The following NCOA1 variants were observed in gnomAD, a reference collection of about 807,000 sequenced individuals.
The protein encoded by NCOA1 is nuclear receptor coactivator 1.
In NCOA1, 35 loss-of-function variants were observed where a neutral mutation model predicts 150.9. The observed-to-expected ratio is 0.23, with a 90% confidence interval of 0.18 to 0.31. NCOA1 has a LOEUF of 0.31. NCOA1 is among the 10% of genes least tolerant of loss of function. The pLI is 1.00. For missense variants in NCOA1, 1,491 were observed against 1,749.3 expected (o/e 0.85, Z 2.63); for synonymous variants, 590 against 630.0 (o/e 0.94, Z 0.95).
intron 20 of NCOA1, among the ~76,000 whole-genome samples, chr2:24,755,418 AT>A (rs1572687990): frequency 2.0e-5 from 3 of 152,232 alleles, no homozygotes; most frequent in South Asian, 4.1e-4. Flanking sequence ...TCTCAGACTT[AT>A]TTGACCAGGG....
chr2:24,707,394 G>C lies in NCOA1; in HGVS notation c.1924G>C (p.Glu642Gln). ...KLVQLLTTTA[E>Q]QQLRHADIDT... ...AGTGCAGCTTTTGACAACAACTGCC[G>C]AACAGCAGTTACGGCATGCTGATAT... Residue 642 changes from glutamate to glutamine, a missense_variant, in exon 13 of 23, where the codon GAA becomes CAA. Physicochemically the swap from Glu to Gln is conservative, Grantham distance 29 (BLOSUM62 2). Around this residue, in one of 8 missense-constraint regions of NCOA1, gnomAD observed 703 missense variants for 717.7 expected, o/e 0.98. Transcript: ENST00000348332. 6.2e-7 allele frequency: 1 copy of C among 1,614,088 alleles called. No homozygotes were observed. The highest frequency in any genetic ancestry group is 2.2e-5 in the East Asian group (1 of 44,876).
chr2:24,716,454 A>G (rs898124221), intron 14 of NCOA1, among the ~76,000 whole-genome samples: 5 of 152,212 alleles, frequency 3.3e-5, no homozygotes, highest in South Asian at 2.1e-4. Flanking sequence ...TAAACAAAGA[A>G]TAGTCATTTC....
Position 24,729,561 on chromosome 2 carries a change from A to G in NCOA1, c.2947A>G (p.Ile983Val), listed in dbSNP as rs1247517241. 6.2e-7 allele frequency: 1 copy of G among 1,614,170 alleles called. No homozygotes were observed. Among genetic ancestry groups the G allele is most frequent in the Non-Finnish European group, 8.5e-7 (1 of 1,180,010 alleles). Reference sequence around the variant, plus strand: ...ACCACAACAAGCAACGCCACCTTTGATCATGGAAGAAAGACCCAACCTTTA... The same window carrying G: ...ACCACAACAAGCAACGCCACCTTTGGTCATGGAAGAAAGACCCAACCTTTA... Reference protein sequence around the residue: ...FPPQQATPPLIMEERPNLYSQ... With the variant: ...FPPQQATPPLVMEERPNLYSQ... The change falls in exon 17 of 23, where the codon ATC becomes GTC. Residue 983 changes from isoleucine to valine, a missense_variant. By Grantham distance (29) the Ile-to-Val change is conservative (BLOSUM62 3). Transcript: ENST00000348332.
chr2:24,765,896 C>CTTTTTTTTTTTTTTTTTTTTTT (rs773857143), intron 22 of NCOA1, among the ~76,000 whole-genome samples: 8 of 128,034 alleles, frequency 6.2e-5, no homozygotes, highest in African/African-American at 1.2e-4. Context: ...CAATAATACA[C>CTTTTTTTTTTTTTTTTTTTTTT]TTTTTTTTTT....
intron 20 of NCOA1, among the ~76,000 whole-genome samples, chr2:24,756,374 G>A (rs1313274718): frequency 6.6e-6 from 1 of 152,144 alleles, no homozygotes. Flanking sequence ...GTGTATTACT[G>A]ACTATTTCCT....
At chr2:24,727,160 A>G (rs1196569293) in intron 15 of NCOA1, among the ~76,000 whole-genome samples, 1 of 151,296 alleles carries the variant, frequency 6.6e-6, no homozygotes, top group African/African-American at 2.4e-5. Context: ...AAAAAAAAAA[A>G]AAGGGTGGCG....
intron 3 of NCOA1, among the ~76,000 whole-genome samples, chr2:24,593,415 A>C (rs1667739572): frequency 6.6e-6 from 1 of 152,102 alleles, no homozygotes; most frequent in Non-Finnish European, 1.5e-5. Flanking sequence ...TTTGGATGAG[A>C]GTAGTGGGTC....
chr2:24,617,766 C>T (rs987454968), intron 3 of NCOA1, among the ~76,000 whole-genome samples: 2 of 152,100 alleles, frequency 1.3e-5, no homozygotes, highest in African/African-American at 4.8e-5. Flanking sequence ...AAAGTTTTAG[C>T]CAGAAGATGC....
At chr2:24,516,416 T>G (rs1664167358) in intron 1 of NCOA1, among the ~76,000 whole-genome samples, 1 of 151,588 alleles carries the variant, frequency 6.6e-6, no homozygotes, top group Non-Finnish European at 1.5e-5. Flanking sequence ...ATGGTCTCGA[T>G]CTCCTGATCT....
At chr2:24,670,463 T>C (rs779883830) in intron 6 of NCOA1, among the ~76,000 whole-genome samples, 2 of 152,196 alleles carry the variant, frequency 1.3e-5, no homozygotes, top group Non-Finnish European at 2.9e-5. Flanking sequence ...AAAGGACATA[T>C]ACCACTATGA....
chr2:24,506,347 G>C (rs1663694352), intron 1 of NCOA1, among the ~76,000 whole-genome samples: 1 of 152,066 alleles, frequency 6.6e-6, no homozygotes, highest in African/African-American at 2.4e-5. Flanking sequence ...TTAGTTAGCT[G>C]GGGGTACATG....
chr2:24,742,061 C>T lies in NCOA1; in HGVS notation c.3581C>T (p.Pro1194Leu), dbSNP rs766674020. The T allele has an allele frequency of 3.1e-6, 5 of 1,614,212 alleles. No individual in the cohort carries two copies. The highest frequency in any genetic ancestry group is 2.2e-5 in the East Asian group (1 of 44,884). Reference sequence around the variant, plus strand: ...CCGTTTTCACAACTAGCAGCAAATCCTGAAGCATCCTTGGCCAACCGCAAC... The same window carrying T: ...CCGTTTTCACAACTAGCAGCAAATCTTGAAGCATCCTTGGCCAACCGCAAC... ...TSPFSQLAANPEASLANRNSM... is the reference protein window; with the variant it reads ...TSPFSQLAANLEASLANRNSM... Residue 1194 changes from proline to leucine, a missense_variant, in exon 19 of 23, where the codon CCT becomes CTT. Physicochemically the swap from Pro to Leu is moderately conservative, Grantham distance 98. Coordinates refer to ENST00000348332, the MANE Select transcript of NCOA1 (RefSeq NM_003743.5).
intron 14 of NCOA1, among the ~76,000 whole-genome samples, chr2:24,722,825 G>A (rs544755752): frequency 2.6e-5 from 4 of 151,310 alleles, no homozygotes; most frequent in Non-Finnish European, 5.9e-5. Flanking sequence ...GGCAACATGG[G>A]CAAAAAATAC....
chr2:24,525,851 T>C (rs907992668), intron 1 of NCOA1, among the ~76,000 whole-genome samples: 149 of 152,082 alleles, frequency 9.8e-4, no homozygotes, highest in African/African-American at 3.4e-3. Flanking sequence ...CCCGACCTTA[T>C]GTTAGAAATT....
chr2:24,658,655 G>A lies in NCOA1; in HGVS notation c.-17-6G>A, dbSNP rs1333540766. On this transcript the variant is annotated splice_polypyrimidine_tract_variant and splice_region_variant and intron_variant, in intron 4 of 22. Transcript: ENST00000348332. ...TAGATTTCTTACTGTTGTCCTTCCT[G>A]TTTAGGTGTGAAGTTTTTCAACATG... 6.2e-7 allele frequency: 1 copy of A among 1,606,014 alleles called. No individual in the cohort carries two copies. The highest frequency in any genetic ancestry group is 1.7e-5 in the Admixed American group (1 of 59,966).
At chr2:24,739,846 T>A (rs541511434) in intron 18 of NCOA1, among the ~76,000 whole-genome samples, 25 of 152,278 alleles carry the variant, frequency 1.6e-4, no homozygotes, top group Non-Finnish European at 3.1e-4. Context: ...GATACGAAAC[T>A]GTGTGAACGG....
intron 22 of NCOA1, among the ~76,000 whole-genome samples, chr2:24,765,865 CTTTTCAG>C (rs1412354225): frequency 7.1e-6 from 1 of 140,708 alleles, no homozygotes; most frequent in African/African-American, 2.6e-5. Flanking sequence ...TTTGTTCAGT[CTTTTCAG>C]TTTTCTGTAA....
In NCOA1 at chr2:24,639,910, G is replaced by A. The variant is rs1346239596; in HGVS notation, c.-174-4056G>A. The stretch of plus-strand genomic sequence containing the variant: ...CTCAAAAAAAAAAAAAAAAGTATGT[G>A]TGTGTGTATATATATATATATATAT... On this transcript the variant is annotated intron_variant, in intron 3 of 22. Coordinates refer to ENST00000348332, the MANE Select transcript of NCOA1 (RefSeq NM_003743.5). Among the ~76,000 whole-genome samples the A allele has an allele frequency of 2.8e-4, 3 of 10,592 alleles. 1 individual carries two copies. The highest frequency in any genetic ancestry group is 9.6e-4 in the Non-Finnish European group (3 of 3,130). The allele number at this position is 10,592 out of a possible 152,430, so 6.9% of individuals were successfully genotyped here.
intron 3 of NCOA1, among the ~76,000 whole-genome samples, chr2:24,586,491 A>T (rs1441887861): frequency 1.3e-5 from 2 of 151,962 alleles, no homozygotes; most frequent in Admixed American, 6.6e-5. Flanking sequence ...GGCTCAAGGG[A>T]TTCTCCCAGC....
Sources: gnomAD v4.1 joint callset for allele counts (sites outside exome capture counted in the v4.1 genomes callset) on GRCh38, gnomAD v4.1.1 for gene constraint, gnomAD v4.1.1 regional missense constraint, MANE v1.5 for transcripts, NCBI Gene and HGNC (gene_info 2026-07-23, HGNC 2026-07-21) for gene names.